The following WWC1 variants were observed in gnomAD, a reference collection of about 807,000 sequenced individuals.
WWC1 encodes protein KIBRA.
In WWC1, 55 loss-of-function variants were observed where a neutral mutation model predicts 138.4. That is an observed-to-expected ratio of 0.40 (90% CI 0.32 to 0.50). The LOEUF (loss-of-function observed/expected upper bound fraction) is 0.50, where lower values mean the gene tolerates loss of function less well. Among genes scored for constraint, WWC1 ranks in the 20% least tolerant of loss-of-function variants. The pLI is 0.72. For synonymous variants in WWC1, 524 were observed against 564.9 expected (o/e 0.93, Z 1.03); for missense variants, 1,226 against 1,420.4 (o/e 0.86, Z 2.20).
intron 1 of WWC1, among the ~76,000 whole-genome samples, chr5:168,294,189 G>A (rs1028630548): frequency 6.6e-6 from 1 of 152,108 alleles, no homozygotes; most frequent in Admixed American, 6.6e-5. Flanking sequence ...CCTTGGAAAA[G>A]GGTAAGTAAG....
At chr5:168,387,283 G>A (rs561330312) in intron 3 of WWC1, among the ~76,000 whole-genome samples, 1 of 152,190 alleles carries the variant, frequency 6.6e-6, no homozygotes, top group Non-Finnish European at 1.5e-5. Flanking sequence ...CTCTCCCCTA[G>A]TGTGAAGCCC....
Position 168,471,992 on chromosome 5 carries a change from T to A in WWC1, c.*2975T>A, listed in dbSNP as rs1482923537. On this transcript the variant is annotated 3_prime_UTR_variant, in exon 23 of 23. Transcript: ENST00000265293. ...AGTGACACATTCATCTGTGCTCAGT[T>A]GTCCCAGCAAGGGTCAGCCCCTCAT... is the stretch of plus-strand genomic sequence containing the variant. 6.6e-6 allele frequency: 1 copy of A among 152,284 alleles called. No homozygotes were observed. Among genetic ancestry groups the A allele is most frequent in the Non-Finnish European group, 1.5e-5 (1 of 68,076 alleles). The allele number at this position is 152,284 out of a possible 1,614,324, so 9.4% of individuals were successfully genotyped here.
chr5:168,367,206 G>T (rs187037431), intron 1 of WWC1, among the ~76,000 whole-genome samples: 1 of 152,094 alleles, frequency 6.6e-6, no homozygotes, highest in Non-Finnish European at 1.5e-5. Flanking sequence ...ATATGCTAAA[G>T]CCCCCATGCC....
chr5:168,412,036 A>G (rs1780268427), intron 8 of WWC1: 1 of 985,454 alleles, frequency 1.0e-6, no homozygotes. Context: ...ACAGCAAGAC[A>G]TCTGTATTTG....
rs528056365 is a variant in WWC1 at position 168,400,256 on chromosome 5, T to C, written c.590+689T>C. ...GGTAAACTTGTGTCATGGGGGTTTG[T>C]TGTACAGGTTATTTCATCACCCAGG... On this transcript the variant is annotated intron_variant, in intron 5 of 22. Transcript: ENST00000265293. Among the ~76,000 whole-genome samples, 10 of 152,302 alleles carry C rather than the reference T, an allele frequency of 6.6e-5. No individual in the cohort carries two copies. In the East Asian group the frequency reaches 1.9e-3, roughly 29 times the overall value.
At chr5:168,428,496 G>A (rs1165709159) in intron 12 of WWC1, among the ~76,000 whole-genome samples, 5 of 152,078 alleles carry the variant, frequency 3.3e-5, no homozygotes. Context: ...TCAGTGGGAG[G>A]ATCACTTGAT....
chr5:168,443,696 A>G (rs555442496), intron 16 of WWC1, among the ~76,000 whole-genome samples: 1 of 152,334 alleles, frequency 6.6e-6, no homozygotes, highest in South Asian at 2.1e-4. Context: ...TGCCTGCTAT[A>G]TACCAGGCCT....
Position 168,424,054 on chromosome 5 carries a change from A to G in WWC1, c.1796A>G (p.Lys599Arg), listed in dbSNP as rs771116061. Residue 599 changes from lysine (K) to arginine (R), a missense_variant, in exon 11 of 23, where the codon AAG (lysine) becomes AGG (arginine). By Grantham distance (26) the Lys-to-Arg change is conservative. Coordinates refer to ENST00000265293, the MANE Select transcript of WWC1 (RefSeq NM_015238.3). The part of the protein sequence containing the change: ...YRLEEPGTEG[K>R]QLGQAVNTAQ... ...CTGGAGGAACCAGGAACGGAGGGCA[A>G]GCAGCTGGGCCAAGGTAGAGAGCAC... The G allele has an allele frequency of 1.2e-6, 2 of 1,601,492 alleles. No homozygotes were observed. Among genetic ancestry groups the G allele is most frequent in the Non-Finnish European group, 1.7e-6 (2 of 1,173,872 alleles).
intron 14 of WWC1, among the ~76,000 whole-genome samples, chr5:168,430,659 C>T (rs948779513): frequency 1.3e-5 from 2 of 151,292 alleles, no homozygotes; most frequent in African/African-American, 2.4e-5. Flanking sequence ...GTCACTGCTT[C>T]TCTTGGAGGG....
chr5:168,445,346 A>T (rs943878176), intron 17 of WWC1, among the ~76,000 whole-genome samples: 10 of 151,760 alleles, frequency 6.6e-5, no homozygotes, highest in African/African-American at 1.9e-4. Context: ...GCTATTCGGG[A>T]GGCTGAGGCA....
intron 1 of WWC1, among the ~76,000 whole-genome samples, chr5:168,320,052 G>A (rs1771934053): frequency 7.1e-6 from 1 of 141,020 alleles, no homozygotes; most frequent in Non-Finnish European, 1.5e-5. Context: ...TTTTTTTTGA[G>A]ATGGAGTTTT....
chr5:168,425,725 C>T (rs1365483685), intron 11 of WWC1, among the ~76,000 whole-genome samples: 1 of 151,982 alleles, frequency 6.6e-6, no homozygotes, highest in Non-Finnish European at 1.5e-5. Context: ...TCTCGAACTC[C>T]TGACCTCAGT....
rs1271300177 is a variant in WWC1, at chr5:168,468,866, T to A, written c.3276-85T>A. On this transcript the variant is annotated intron_variant, in intron 22 of 22. Transcript: ENST00000265293. ...TTCTGCAGCGAATGTATAGGACAGCTCCCACGACAAAGAATTATCCTGCCC... is the reference window on the plus strand; with the variant it reads ...TTCTGCAGCGAATGTATAGGACAGCACCCACGACAAAGAATTATCCTGCCC... The A allele has an allele frequency of 5.5e-6, 8 of 1,441,926 alleles. No individual in the cohort carries two copies. In the African/African-American group the frequency reaches 1.1e-4, roughly 20 times the overall value. 89.3% of individuals were successfully genotyped at this position (1,441,926 alleles called of 1,614,324 possible).
At chr5:168,423,509 G>A in intron 10 of WWC1, 24 bp from the exon 11 acceptor site, 4 of 1,592,498 alleles carry the variant, frequency 2.5e-6, no homozygotes, top group South Asian at 1.2e-5. Context: ...GCATCTCACT[G>A]TCCTTCCCCT....
At chr5:168,418,734 G>A (rs1780855103) in intron 9 of WWC1, among the ~76,000 whole-genome samples, 1 of 152,086 alleles carries the variant, frequency 6.6e-6, no homozygotes, top group Admixed American at 6.5e-5. Context: ...ACAGAGAAGA[G>A]GAAAACCAAG....
At chr5:168,326,216 C>CTTTTTTTTTTTTTTT (rs796347858) in intron 1 of WWC1, among the ~76,000 whole-genome samples, 104 of 113,266 alleles carry the variant, frequency 9.2e-4, no homozygotes, top group African/African-American at 3.4e-3. Flanking sequence ...ACCTGATAGT[C>CTTTTTTTTTTTTTTT]TTTTTTTTTT....
chr5:168,297,424 C>T (rs965708578), intron 1 of WWC1, among the ~76,000 whole-genome samples: 4 of 152,008 alleles, frequency 2.6e-5, no homozygotes, highest in South Asian at 2.1e-4. Context: ...GTCAGGAGTT[C>T]GAGACCAGCC....
intron 22 of WWC1, among the ~76,000 whole-genome samples, chr5:168,468,432 G>A (rs1163363459): frequency 6.6e-6 from 1 of 151,972 alleles, no homozygotes; most frequent in Non-Finnish European, 1.5e-5. Context: ...CCCATCCACA[G>A]AGGCCCTAGC....
chr5:168,391,603 G>A (rs1224969396), intron 3 of WWC1, among the ~76,000 whole-genome samples: 1 of 145,168 alleles, frequency 6.9e-6, no homozygotes, highest in Admixed American at 7.2e-5. Flanking sequence ...AGCTTTCAGC[G>A]AGCTGAGATC....
Sources: gnomAD v4.1 joint callset for allele counts (sites outside exome capture counted in the v4.1 genomes callset) on GRCh38, gnomAD v4.1.1 for gene constraint, MANE v1.5 for transcripts, NCBI Gene and HGNC (gene_info 2026-07-23, HGNC 2026-07-21) for gene names.